NTRK3: variants seen among roughly 807,000 people sequenced by gnomAD.
NTRK3 encodes the protein NT-3 growth factor receptor.
In NTRK3, 24 loss-of-function variants were observed where a neutral mutation model predicts 91.7. The ratio of observed to expected loss-of-function variants is 0.26; its 90% CI spans 0.19 to 0.37. The LOEUF (loss-of-function observed/expected upper bound fraction) is 0.37, where lower values mean the gene tolerates loss of function less well. Ranked by LOEUF, NTRK3 falls within the 10% of genes least tolerant of loss-of-function variation. The pLI is 1.00. For synonymous variants in NTRK3, 483 were observed against 404.0 expected (o/e 1.20, Z -2.34); for missense variants, 880 against 1,068.9 (o/e 0.82, Z 2.46).
At chr15:87,889,333 G>A (rs777628568) in intron 17 of NTRK3, among the ~76,000 whole-genome samples, 9 of 148,832 alleles carry the variant, frequency 6.0e-5, no homozygotes, top group Non-Finnish European at 1.2e-4. Flanking sequence ...ATTATAGCTT[G>A]TCATTTGTTA....
intron 3 of NTRK3, among the ~76,000 whole-genome samples, chr15:88,184,982 C>A (rs2046833711): frequency 6.6e-6 from 1 of 152,228 alleles, no homozygotes; most frequent in Non-Finnish European, 1.5e-5. Flanking sequence ...AGGACACAAA[C>A]CCTAGCTTCA....
intron 3 of NTRK3, among the ~76,000 whole-genome samples, chr15:88,229,540 C>G (rs186171614): frequency 6.6e-6 from 1 of 152,176 alleles, no homozygotes; most frequent in Non-Finnish European, 1.5e-5. Flanking sequence ...AAAGAAGATA[C>G]CCTGGTCTGC....
intron 3 of NTRK3, chr15:88,205,784 A>C (rs1276892742): frequency 1.3e-5 from 2 of 152,214 alleles, no homozygotes; most frequent in Non-Finnish European, 2.9e-5. Context: ...GGGAAGGCAC[A>C]CAGGCTGAAC....
intron 14 of NTRK3, among the ~76,000 whole-genome samples, chr15:87,966,448 C>T (rs2072802215): frequency 6.6e-6 from 1 of 152,218 alleles, no homozygotes; most frequent in Admixed American, 6.5e-5. Context: ...GGCCTGTTCC[C>T]TTCTCTTCCA....
chr15:88,185,484 C>T (rs2046871652), intron 3 of NTRK3, among the ~76,000 whole-genome samples: 1 of 152,174 alleles, frequency 6.6e-6, no homozygotes, highest in Non-Finnish European at 1.5e-5. Context: ...TATCAAAGCC[C>T]TTTGCAGCTC....
intron 5 of NTRK3, among the ~76,000 whole-genome samples, chr15:88,170,781 G>T (rs567626653): frequency 1.3e-5 from 2 of 152,230 alleles, no homozygotes; most frequent in African/African-American, 2.4e-5. Context: ...ACTCTGGAAA[G>T]TCAGTTCTAA....
intron 17 of NTRK3, among the ~76,000 whole-genome samples, chr15:87,904,626 T>C (rs1319418217): frequency 6.6e-6 from 1 of 152,190 alleles, no homozygotes; most frequent in Non-Finnish European, 1.5e-5. Flanking sequence ...TGCAGACTTG[T>C]GTCTAAGGCA....
exon 19 of NTRK3, chr15:87,861,232 G>A (rs1052105423): frequency 9.1e-6 from 2 of 218,902 alleles, no homozygotes; most frequent in Non-Finnish European, 1.8e-5. Context: ...GAAGCTTAGG[G>A]AGGGGGGATG....
intron 3 of NTRK3, among the ~76,000 whole-genome samples, chr15:88,251,620 A>G (rs935358696): frequency 2.6e-5 from 4 of 152,240 alleles, no homozygotes; most frequent in Non-Finnish European, 5.9e-5. Flanking sequence ...CAAGGGCCAT[A>G]CCAAAGGAGG....
intron 17 of NTRK3, among the ~76,000 whole-genome samples, chr15:87,880,967 G>C (rs551430726): frequency 6.6e-6 from 1 of 152,342 alleles, no homozygotes; most frequent in Non-Finnish European, 1.5e-5. Flanking sequence ...AAGCGTGGAA[G>C]ACCACGTGCT....
intron 3 of NTRK3, among the ~76,000 whole-genome samples, chr15:88,187,605 T>G (rs1461549102): frequency 6.6e-6 from 1 of 152,236 alleles, no homozygotes; most frequent in Non-Finnish European, 1.5e-5. Context: ...TCCTTTTTTG[T>G]GATTTTCTGG....
chr15:87,860,634 A>C, exon 19 of NTRK3: 1 of 207,644 alleles, frequency 4.8e-6, no homozygotes, highest in Non-Finnish European at 9.8e-6. Flanking sequence ...CAATGCATTC[A>C]CCTGTCATAA....
intron 3 of NTRK3, among the ~76,000 whole-genome samples, chr15:88,254,945 A>G (rs1184569182): frequency 6.6e-6 from 1 of 152,184 alleles, no homozygotes; most frequent in Non-Finnish European, 1.5e-5. Context: ...TCCAGTCCCC[A>G]GCCCTCGATC....
intron 17 of NTRK3, among the ~76,000 whole-genome samples, chr15:87,883,307 A>G (rs2065354486): frequency 6.7e-6 from 1 of 148,794 alleles, no homozygotes; most frequent in Admixed American, 6.7e-5. Context: ...AAAATTCACC[A>G]TTACGATGAT....
At chr15:87,987,709 T>C (rs1596541969) in intron 14 of NTRK3, among the ~76,000 whole-genome samples, 2 of 152,146 alleles carry the variant, frequency 1.3e-5, no homozygotes, top group South Asian at 2.1e-4. Context: ...TGTATTCAAA[T>C]GTATTCACCT....
At chr15:88,137,127 C>A (rs1365413508) in intron 7 of NTRK3, among the ~76,000 whole-genome samples, 1 of 152,174 alleles carries the variant, frequency 6.6e-6, no homozygotes, top group African/African-American at 2.4e-5. Context: ...ACAGGTAACT[C>A]ACAGGGAGAA....
intron 17 of NTRK3, among the ~76,000 whole-genome samples, chr15:87,910,625 T>C (rs929477890): frequency 6.6e-6 from 1 of 152,140 alleles, no homozygotes; most frequent in African/African-American, 2.4e-5. Context: ...AAAGGGGTTA[T>C]AACCATGTGA....
chr15:88,186,349 C>T lies in NTRK3; in HGVS notation c.249-2050G>A, dbSNP rs79330170. On this transcript the variant is annotated intron_variant, in intron 3 of 18. Transcript: ENST00000394480. ...TTCTCAAGCCTTACCCTTCTCAGCC[C>T]TCATGTCCTTATGCCCACAAACGGA... Among the ~76,000 whole-genome samples, 1,331 of 152,314 alleles carry T rather than the reference C, an allele frequency of 8.7e-3. 20 individuals carry two copies. Among genetic ancestry groups the T allele is most frequent in the African/African-American group, 0.03 (1,265 of 41,558 alleles).
At chr15:88,213,676 TCA>T (rs1254028633) in intron 3 of NTRK3, among the ~76,000 whole-genome samples, 2 of 152,196 alleles carry the variant, frequency 1.3e-5, no homozygotes, top group Admixed American at 6.5e-5. Flanking sequence ...ATTACGGCCC[TCA>T]CACAGTCCTG....
Sources: gnomAD v4.1 joint callset for allele counts (sites outside exome capture counted in the v4.1 genomes callset) on GRCh38, gnomAD v4.1.1 for gene constraint, MANE v1.5 for transcripts, NCBI Gene and HGNC (gene_info 2026-07-23, HGNC 2026-07-21) for gene names.